Variants in RASGEF1C observed in about 807,000 individuals in gnomAD.
RASGEF1C encodes the protein RasGEF domain family member 1C.
Under a neutral mutation model 58.1 loss-of-function variants are expected in RASGEF1C, and 27 were observed. That is an observed-to-expected ratio of 0.46 (90% CI 0.34 to 0.64). The LOEUF (loss-of-function observed/expected upper bound fraction) is 0.64. Ranked by LOEUF, RASGEF1C falls within the 30% of genes least tolerant of loss-of-function variation. The probability of loss-of-function intolerance (pLI) is 0.01; values close to 1 mark genes in which losing one functional copy is unlikely to be tolerated. For missense variants in RASGEF1C, 502 were observed against 605.1 expected (o/e 0.83, Z 1.79); for synonymous variants, 243 against 246.3 (o/e 0.99, Z 0.13).
At chr5:180,173,741 C>A (rs182067563) in intron 1 of RASGEF1C, among the ~76,000 whole-genome samples, 3 of 152,018 alleles carry the variant, frequency 2.0e-5, no homozygotes, top group Middle Eastern at 3.4e-3. Flanking sequence ...GGTGAAACCC[C>A]GTCTCTACTA....
chr5:180,101,575 C>G (rs778596475), intron 13 of RASGEF1C, 50 bp from the exon 14 acceptor site: 15 of 1,602,768 alleles, frequency 9.4e-6, no homozygotes, highest in Non-Finnish European at 1.1e-5. Flanking sequence ...GCTCCCCACC[C>G]CAGTTAGACT....
At chr5:180,103,376 A>T (rs897236705) in intron 12 of RASGEF1C, among the ~76,000 whole-genome samples, 1 of 152,192 alleles carries the variant, frequency 6.6e-6, no homozygotes, top group African/African-American at 2.4e-5. Flanking sequence ...CGCACCCGGC[A>T]CATCAGCATT....
chr5:180,128,189 A>G (rs1015809817), intron 5 of RASGEF1C, among the ~76,000 whole-genome samples: 1 of 152,190 alleles, frequency 6.6e-6, no homozygotes, highest in African/African-American at 2.4e-5. Context: ...GGAGGTCGCC[A>G]TCAACCCTCA....
intron 12 of RASGEF1C, among the ~76,000 whole-genome samples, chr5:180,103,295 T>C (rs1041660375): frequency 6.6e-5 from 10 of 152,174 alleles, no homozygotes; most frequent in Non-Finnish European, 1.0e-4. Context: ...GCCAGGATGG[T>C]CTCGATCTCC....
rs1554111948 is a variant in RASGEF1C, at chr5:180,121,679, A to AC, written c.715-531dup. 3.2e-4 allele frequency among the ~76,000 whole-genome samples: 9 copies of AC among 27,872 alleles called. No homozygotes were observed. The East Asian group carries it at 5.5e-3, about 17-fold the overall frequency. 18.3% of individuals were successfully genotyped at this position (27,872 alleles called of 152,430 possible). ...CACACACACACACACACACACACACACACCCTCATTATTCCTGGATCCTGT... is the reference window on the plus strand; with the variant it reads ...CACACACACACACACACACACACACACCACCCTCATTATTCCTGGATCCTGT... On this transcript the variant is annotated intron_variant, in intron 6 of 13. Transcript: ENST00000361132.
chr5:180,195,128 CCTT>C (rs1199242154), intron 1 of RASGEF1C, among the ~76,000 whole-genome samples: 1 of 152,192 alleles, frequency 6.6e-6, no homozygotes, highest in Non-Finnish European at 1.5e-5. Flanking sequence ...TCCCTCCTCT[CCTT>C]CTCCAAACAC....
chr5:180,160,834 C>G (rs1041884967), intron 1 of RASGEF1C, among the ~76,000 whole-genome samples: 2 of 152,196 alleles, frequency 1.3e-5, no homozygotes, highest in African/African-American at 4.8e-5. Flanking sequence ...ATGCGTCCTA[C>G]AAGTGCTCGA....
At chr5:180,121,174 C>G in intron 6 of RASGEF1C, 25 bp from the exon 7 acceptor site, 1 of 1,523,920 alleles carries the variant, frequency 6.6e-7, no homozygotes, top group Non-Finnish European at 9.1e-7. Context: ...GCACACGGGA[C>G]CACGTTCTGA....
chr5:180,109,856 T>G (rs1765929900), intron 12 of RASGEF1C, among the ~76,000 whole-genome samples: 1 of 152,212 alleles, frequency 6.6e-6, no homozygotes, highest in African/African-American at 2.4e-5. Context: ...AGCTTGATTT[T>G]AGCCCAGAGA....
chr5:180,111,527 C>T lies in RASGEF1C; in HGVS notation c.1233G>A (p.Val411=). 6.2e-7 allele frequency: 1 copy of T among 1,614,196 alleles called. No individual in the cohort carries two copies. Among genetic ancestry groups the T allele is most frequent in the Admixed American group, 1.7e-5 (1 of 60,024 alleles). The change falls in exon 12 of 14, where the codon GTG becomes GTA. Residue 411 remains valine (V), a synonymous_variant. Coordinates refer to ENST00000361132, the MANE Select transcript of RASGEF1C (RefSeq NM_175062.4). The part of the protein sequence containing the change: ...QVGEFITWKQ[V]ECPFEQDASI... ...TGGCGTCTTGCTCGAAGGGACACTCCACTTGTTTCCAGGTGATGAACTCCC... is the reference window on the plus strand; with the variant it reads ...TGGCGTCTTGCTCGAAGGGACACTCTACTTGTTTCCAGGTGATGAACTCCC...
chr5:180,191,831 T>C (rs929797368), intron 1 of RASGEF1C, among the ~76,000 whole-genome samples: 3 of 152,222 alleles, frequency 2.0e-5, no homozygotes, highest in Admixed American at 6.5e-5. Context: ...TTCTGGAACA[T>C]GCTTGTTGGA....
intron 1 of RASGEF1C, among the ~76,000 whole-genome samples, chr5:180,174,725 G>A (rs557676046): frequency 1.3e-5 from 2 of 152,282 alleles, no homozygotes; most frequent in East Asian, 3.9e-4. Context: ...CTGGGCTGTG[G>A]TCCACAGCCA....
chr5:180,165,917 T>C (rs1767014994), intron 1 of RASGEF1C, among the ~76,000 whole-genome samples: 1 of 151,134 alleles, frequency 6.6e-6, no homozygotes, highest in South Asian at 2.1e-4. Context: ...ACCCGGCTCA[T>C]TTTTTGTATT....
intron 12 of RASGEF1C, among the ~76,000 whole-genome samples, chr5:180,109,930 C>A (rs550527880): frequency 6.6e-6 from 1 of 152,332 alleles, no homozygotes; most frequent in Non-Finnish European, 1.5e-5. Flanking sequence ...CCTCTGCTCT[C>A]CAGAAGTGTA....
At chr5:180,207,706 C>G (rs1451275278) in intron 1 of RASGEF1C, among the ~76,000 whole-genome samples, 1 of 152,182 alleles carries the variant, frequency 6.6e-6, no homozygotes, top group Admixed American at 6.5e-5. Context: ...AACCTGCAAA[C>G]CGCCTGGGGG....
intron 1 of RASGEF1C, among the ~76,000 whole-genome samples, chr5:180,180,831 G>C (rs1050349077): frequency 6.6e-6 from 1 of 152,230 alleles, no homozygotes; most frequent in Non-Finnish European, 1.5e-5. Flanking sequence ...CACCCAGATT[G>C]AGAAGCAGAA....
At chr5:180,142,792 A>G (rs1766601730) in intron 1 of RASGEF1C, among the ~76,000 whole-genome samples, 1 of 152,022 alleles carries the variant, frequency 6.6e-6, no homozygotes, top group African/African-American at 2.4e-5. Context: ...CTCGCACCCC[A>G]TCGTTTTAGA....
rs1162736743 is a variant in RASGEF1C, at chr5:180,197,402, A to G, written c.-7+11626T>C. 1.3e-5 allele frequency among the ~76,000 whole-genome samples: 2 copies of G among 152,064 alleles called. No homozygotes were observed. Among genetic ancestry groups the G allele is most frequent in the Non-Finnish European group, 2.9e-5 (2 of 67,986 alleles). On this transcript the variant is annotated intron_variant, in intron 1 of 13. Transcript: ENST00000361132. The surrounding 1 kb of genome is among the most constrained non-coding windows in gnomAD (Gnocchi z 4.7). Reference sequence around the variant, plus strand: ...AAGGCCTGGGGGTTAACAGAGAGGCACTCCTGGCTGAGCCTAGCTCAGGCC... The same window carrying G: ...AAGGCCTGGGGGTTAACAGAGAGGCGCTCCTGGCTGAGCCTAGCTCAGGCC...
Position 180,137,810 on chromosome 5 carries a change from A to G in RASGEF1C, c.177+66T>C. 3 of 1,602,804 alleles carry G rather than the reference A, an allele frequency of 1.9e-6. No individual in the cohort carries two copies. The highest frequency in any genetic ancestry group is 2.6e-6 in the Non-Finnish European group (3 of 1,175,138). ...GTACCCTGGCCCAAGGTCACGCCCAACCCTGATGCCCCCCGTGCGTGGTGG... is the reference window on the plus strand; with the variant it reads ...GTACCCTGGCCCAAGGTCACGCCCAGCCCTGATGCCCCCCGTGCGTGGTGG... On this transcript the variant is annotated intron_variant, in intron 2 of 13. Coordinates refer to ENST00000361132, the MANE Select transcript of RASGEF1C (RefSeq NM_175062.4). The surrounding 1 kb of genome is among the most constrained non-coding windows in gnomAD (Gnocchi z 4.1).
Sources: gnomAD v4.1 joint callset for allele counts (sites outside exome capture counted in the v4.1 genomes callset) on GRCh38, gnomAD v4.1.1 for gene constraint, Gnocchi (gnomAD v3.1) non-coding constraint, MANE v1.5 for transcripts, NCBI Gene and HGNC (gene_info 2026-07-23, HGNC 2026-07-21) for gene names.